The following SPPL3 variants were observed in gnomAD, a reference collection of about 807,000 sequenced individuals.
SPPL3 encodes the protein signal peptide peptidase like 3.
Under a neutral mutation model 42.4 loss-of-function variants are expected in SPPL3, and 5 were observed. The observed-to-expected ratio is 0.12, with a 90% CI of 0.06 to 0.25. The LOEUF is 0.25. Among genes scored for constraint, SPPL3 ranks in the 10% least tolerant of loss-of-function variants. The probability of loss-of-function intolerance (pLI) is 1.00; values close to 1 mark genes in which losing one functional copy is unlikely to be tolerated. For synonymous variants in SPPL3, 195 were observed against 181.8 expected, an observed-to-expected ratio of 1.07 and a Z score of -0.58; for missense variants, 235 against 489.0, an observed-to-expected ratio of 0.48 and a Z score of 4.90.
At chr12:120,840,721 A>G (rs1315770926) in intron 1 of SPPL3, among the ~76,000 whole-genome samples, 1 of 151,968 alleles carries the variant, frequency 6.6e-6, no homozygotes, top group East Asian at 1.9e-4. Context: ...GTCCCAAGCT[A>G]TTTGGGGGGC....
chr12:120,811,187 C>A, intron 1 of SPPL3: 1 of 212,786 alleles, frequency 4.7e-6, no homozygotes. Flanking sequence ...TAAAAAGTAT[C>A]AAAATATCTA....
At chr12:120,816,023 C>A (rs1309688023) in intron 1 of SPPL3, among the ~76,000 whole-genome samples, 1 of 152,140 alleles carries the variant, frequency 6.6e-6, no homozygotes, top group Non-Finnish European at 1.5e-5. Context: ...AGCCACCACA[C>A]CTGGCCTGGA....
chr12:120,784,207 C>T (rs573161027), intron 4 of SPPL3: 1 of 296,052 alleles, frequency 3.4e-6, no homozygotes, highest in African/African-American at 2.2e-5. Context: ...CACAGCAATA[C>T]TGCTCTGGTG....
At chr12:120,853,979 CACAT>C (rs747806530) in intron 1 of SPPL3, among the ~76,000 whole-genome samples, 50 of 97,442 alleles carry the variant, frequency 5.1e-4, no homozygotes, top group South Asian at 3.1e-3. Context: ...CACACACGCA[CACAT>C]ACACACACAC....
At chr12:120,767,337 C>T in intron 9 of SPPL3, 57 bp downstream of exon 9, 1 of 1,562,038 alleles carries the variant, frequency 6.4e-7, no homozygotes, top group Non-Finnish European at 8.7e-7. Flanking sequence ...GATTTAATTC[C>T]AAAGGTTGGA....
chr12:120,839,760 C>T (rs1871744551), intron 1 of SPPL3, among the ~76,000 whole-genome samples: 1 of 152,024 alleles, frequency 6.6e-6, no homozygotes, highest in South Asian at 2.1e-4. Context: ...AGTTCAGCTC[C>T]TCAAATTGTT....
intron 8 of SPPL3, 66 bp from the exon 9 acceptor site, chr12:120,767,659 A>G (rs1351173037): frequency 2.6e-6 from 4 of 1,546,498 alleles, no homozygotes; most frequent in Middle Eastern, 1.7e-4. Flanking sequence ...CCTTTTGTGC[A>G]AAGTTTGTTA....
At chr12:120,765,521 G>A (rs977223768) in intron 10 of SPPL3, among the ~76,000 whole-genome samples, 2 of 152,044 alleles carry the variant, frequency 1.3e-5, no homozygotes, top group Non-Finnish European at 2.9e-5. Context: ...CTCTTAACCC[G>A]CCTGCCTCAG....
At chr12:120,792,257 C>G (rs1869942858) in intron 2 of SPPL3, among the ~76,000 whole-genome samples, 2 of 152,194 alleles carry the variant, frequency 1.3e-5, no homozygotes. Flanking sequence ...TAGTCACTGT[C>G]TATCTGGGGA....
At chr12:120,874,601 T>C (rs530296063) in intron 1 of SPPL3, among the ~76,000 whole-genome samples, 171 of 152,280 alleles carry the variant, frequency 1.1e-3, no homozygotes, top group African/African-American at 3.9e-3. Flanking sequence ...TGTGGTAGAC[T>C]ATATTTTCCA....
intron 1 of SPPL3, among the ~76,000 whole-genome samples, chr12:120,842,953 A>T (rs1871881164): frequency 6.6e-6 from 1 of 152,218 alleles, no homozygotes; most frequent in African/African-American, 2.4e-5. Flanking sequence ...AAACTGGAGG[A>T]GGCAGTACAC....
chr12:120,806,356 T>C (rs1870489392), intron 2 of SPPL3, among the ~76,000 whole-genome samples: 1 of 151,982 alleles, frequency 6.6e-6, no homozygotes, highest in Non-Finnish European at 1.5e-5. Context: ...TGCCACCATG[T>C]CAGCAATGCA....
At chr12:120,813,902 A>G (rs776454473) in intron 1 of SPPL3, among the ~76,000 whole-genome samples, 1 of 152,186 alleles carries the variant, frequency 6.6e-6, no homozygotes, top group Non-Finnish European at 1.5e-5. Context: ...GCTTTATAAA[A>G]GTTTTGCCCT....
intron 1 of SPPL3, among the ~76,000 whole-genome samples, chr12:120,863,344 T>C (rs1410422522): frequency 2.8e-5 from 4 of 141,690 alleles, no homozygotes; most frequent in African/African-American, 7.6e-5. Flanking sequence ...CGAGACTCCA[T>C]CTCAAAAGAA....
intron 2 of SPPL3, among the ~76,000 whole-genome samples, chr12:120,799,011 T>G (rs774269465): frequency 3.3e-5 from 5 of 152,224 alleles, no homozygotes; most frequent in Non-Finnish European, 7.3e-5. Context: ...TTGAGAACTA[T>G]TTATAACTCC....
intron 6 of SPPL3, among the ~76,000 whole-genome samples, chr12:120,771,900 C>T (rs1223881825): frequency 6.6e-6 from 1 of 152,234 alleles, no homozygotes; most frequent in African/African-American, 2.4e-5. Context: ...GTTCTTTTCA[C>T]GCTCTACCCA....
chr12:120,773,711 G>T (rs1283814501), intron 6 of SPPL3, among the ~76,000 whole-genome samples: 1 of 152,170 alleles, frequency 6.6e-6, no homozygotes, highest in Non-Finnish European at 1.5e-5. Flanking sequence ...GGCAACCTGT[G>T]CCTCCCAGGT....
Position 120,846,406 on chromosome 12 carries a change from T to C in SPPL3, c.24-35520A>G, listed in dbSNP as rs191807660. Among the ~76,000 whole-genome samples, 15 of 152,356 alleles carry C rather than the reference T, an allele frequency of 9.8e-5. No individual in the cohort carries two copies. In the East Asian group the frequency reaches 2.7e-3, roughly 27 times the overall value. On this transcript the variant is annotated intron_variant, in intron 1 of 10. Coordinates refer to ENST00000353487, the MANE Select transcript of SPPL3 (RefSeq NM_139015.5). ...CTCTTTAAATAGATTTTCAATTATA[T>C]TAAAAGCAGGGAATTTTATTGTTTT...
chr12:120,869,361 T>G (rs1255132177), intron 1 of SPPL3, among the ~76,000 whole-genome samples: 1 of 152,262 alleles, frequency 6.6e-6, no homozygotes, highest in Non-Finnish European at 1.5e-5. Flanking sequence ...AAAATGTAGT[T>G]TATCATGTAA....
Sources: gnomAD v4.1 joint callset for allele counts (sites outside exome capture counted in the v4.1 genomes callset) on GRCh38, gnomAD v4.1.1 for gene constraint, MANE v1.5 for transcripts, NCBI Gene and HGNC (gene_info 2026-07-23, HGNC 2026-07-21) for gene names.